ARHGAP10: variants seen among roughly 807,000 people sequenced by gnomAD.
ARHGAP10 encodes the protein rho GTPase-activating protein 10.
In ARHGAP10, 87 loss-of-function variants were observed where a neutral mutation model predicts 108.6. The observed-to-expected ratio is 0.80, with a 90% CI of 0.67 to 0.96. ARHGAP10 has a LOEUF of 0.96. Ranked by LOEUF, ARHGAP10 falls within the 40% of genes least tolerant of loss-of-function variation. The probability of loss-of-function intolerance (pLI) is 0.00; values close to 1 mark genes in which losing one functional copy is unlikely to be tolerated. For missense variants in ARHGAP10, 939 were observed against 954.5 expected (o/e 0.98, Z 0.21); for synonymous variants, 347 against 341.1 (o/e 1.02, Z -0.19).
At chr4:148,024,845 G>T (rs2149664970) in intron 19 of ARHGAP10, among the ~76,000 whole-genome samples, 1 of 152,302 alleles carries the variant, frequency 6.6e-6, no homozygotes, top group South Asian at 2.1e-4. Context: ...TGATGGAAGT[G>T]TTAATAAATA....
At chr4:148,057,841 C>G (rs1037286447) in intron 20 of ARHGAP10, among the ~76,000 whole-genome samples, 3 of 152,220 alleles carry the variant, frequency 2.0e-5, no homozygotes, top group African/African-American at 7.2e-5. Flanking sequence ...CTGGGTGTCC[C>G]CAGGGACTAG....
At chr4:147,878,807 C>T (rs1451026418) in intron 8 of ARHGAP10, among the ~76,000 whole-genome samples, 2 of 129,260 alleles carry the variant, frequency 1.5e-5, no homozygotes, top group Non-Finnish European at 1.6e-5. Context: ...GTCGGAGTCT[C>T]GCTCTGTTGC....
rs751806042 is a variant in ARHGAP10, at chr4:147,732,319, GGAGTT to G, written c.19_23del (p.Glu7GlnfsTer33). ...CTGCCGTCATGGGGCTGCAGCCCCT[GGAGTT>G]CAGCGACTGCTACCTCGACAGCCCG... On this transcript the variant is annotated frameshift_variant, in exon 1 of 23. Coordinates refer to ENST00000336498, the MANE Select transcript of ARHGAP10 (RefSeq NM_024605.4). LOFTEE classifies it high-confidence loss of function. The G allele has an allele frequency of 6.2e-7, 1 of 1,612,588 alleles. No homozygotes were observed. The highest frequency in any genetic ancestry group is 8.5e-7 in the Non-Finnish European group (1 of 1,179,330).
chr4:147,732,251 G>A lies in ARHGAP10; in HGVS notation c.-51G>A. The stretch of plus-strand genomic sequence containing the variant: ...CACCTGGCAGCGGCCTCGGAGCTCG[G>A]CTCGGGCAGGAGCGCGCGGCCGTGC... On this transcript the variant is annotated 5_prime_UTR_variant, in exon 1 of 23. Transcript: ENST00000336498. 1 of 1,515,294 alleles carries A rather than the reference G, an allele frequency of 6.6e-7. No individual in the cohort carries two copies. The highest frequency in any genetic ancestry group is 1.3e-5 in the South Asian group (1 of 78,360). 93.9% of individuals were successfully genotyped at this position (1,515,294 alleles called of 1,614,324 possible).
chr4:147,852,662 A>G (rs758025309), intron 4 of ARHGAP10, among the ~76,000 whole-genome samples: 16 of 152,040 alleles, frequency 1.1e-4, no homozygotes, highest in Admixed American at 3.9e-4. Flanking sequence ...GACGTAAACA[A>G]AAGTTTTTAT....
At chr4:147,973,831 C>A (rs1470580813) in intron 18 of ARHGAP10, among the ~76,000 whole-genome samples, 1 of 152,148 alleles carries the variant, frequency 6.6e-6, no homozygotes, top group African/African-American at 2.4e-5. Context: ...AACATAATTA[C>A]CTTCAGTTCC....
At chr4:147,983,629 G>C (rs1739918494) in intron 18 of ARHGAP10, among the ~76,000 whole-genome samples, 1 of 151,614 alleles carries the variant, frequency 6.6e-6, no homozygotes, top group African/African-American at 2.4e-5. Context: ...AATTCCTATA[G>C]TGAATTTTTC....
intron 13 of ARHGAP10, among the ~76,000 whole-genome samples, chr4:147,932,203 C>T (rs902332105): frequency 2.0e-5 from 3 of 152,082 alleles, no homozygotes; most frequent in Non-Finnish European, 2.9e-5. Flanking sequence ...AACACACTAT[C>T]GGTGGGAGTG....
chr4:147,762,942 A>G (rs1055750873), intron 1 of ARHGAP10, among the ~76,000 whole-genome samples: 10 of 152,094 alleles, frequency 6.6e-5, no homozygotes, highest in African/African-American at 2.4e-4. Context: ...TGCTAGGGGT[A>G]ATGAAGGATA....
chr4:147,883,296 A>G (rs1420893083), intron 10 of ARHGAP10, among the ~76,000 whole-genome samples: 1 of 152,206 alleles, frequency 6.6e-6, no homozygotes. Context: ...TCCTGGACTC[A>G]AGCAATCCTC....
intron 7 of ARHGAP10, among the ~76,000 whole-genome samples, chr4:147,871,356 C>G (rs1023742871): frequency 5.9e-5 from 9 of 152,080 alleles, no homozygotes; most frequent in African/African-American, 2.2e-4. Context: ...CTTACTTATC[C>G]CTTTTGTTTT....
intron 22 of ARHGAP10, among the ~76,000 whole-genome samples, chr4:148,070,048 G>C (rs1353052966): frequency 1.3e-5 from 2 of 152,230 alleles, no homozygotes; most frequent in African/African-American, 4.8e-5. Context: ...TGCTTACTCA[G>C]TCATTACACA....
intron 20 of ARHGAP10, 136 bp from the exon 21 acceptor site, chr4:148,063,012 C>G (rs934666481): frequency 9.2e-7 from 1 of 1,084,212 alleles, no homozygotes; most frequent in Non-Finnish European, 1.3e-6. Context: ...CGGCAGGATG[C>G]AGAGAGGACT....
chr4:147,904,386 C>T (rs1399970906), intron 10 of ARHGAP10, among the ~76,000 whole-genome samples: 1 of 151,866 alleles, frequency 6.6e-6, no homozygotes, highest in Admixed American at 6.6e-5. Context: ...TCCCCCGTCC[C>T]CCCACCCCAC....
At chr4:147,821,306 C>A (rs142154841) in intron 1 of ARHGAP10, among the ~76,000 whole-genome samples, 131 of 152,310 alleles carry the variant, frequency 8.6e-4, no homozygotes, top group Admixed American at 1.9e-3. Context: ...AGATGAGTTT[C>A]CATGGGAGGA....
chr4:147,913,508 C>T (rs1252260245), intron 13 of ARHGAP10, among the ~76,000 whole-genome samples: 2 of 152,128 alleles, frequency 1.3e-5, no homozygotes, highest in African/African-American at 2.4e-5. Flanking sequence ...CTTCTGAGGC[C>T]TCCCCACTTG....
chr4:148,013,348 A>G (rs1366553553), intron 18 of ARHGAP10, among the ~76,000 whole-genome samples: 1 of 152,226 alleles, frequency 6.6e-6, no homozygotes, highest in Non-Finnish European at 1.5e-5. Flanking sequence ...TGTGTTCTTC[A>G]TTGTGACTAA....
At chr4:147,775,402 G>C (rs1730243692) in intron 1 of ARHGAP10, among the ~76,000 whole-genome samples, 1 of 152,216 alleles carries the variant, frequency 6.6e-6, no homozygotes, top group Non-Finnish European at 1.5e-5. Context: ...TGTGTGAGAG[G>C]CTGCTAGGAG....
intron 1 of ARHGAP10, among the ~76,000 whole-genome samples, chr4:147,812,583 C>G (rs143729542): frequency 2.9e-4 from 44 of 152,292 alleles, no homozygotes; most frequent in Non-Finnish European, 5.4e-4. Flanking sequence ...CCCATAAAGC[C>G]TTTTCCCCAC....
Sources: gnomAD v4.1 joint callset for allele counts (sites outside exome capture counted in the v4.1 genomes callset) on GRCh38, gnomAD v4.1.1 for gene constraint, MANE v1.5 for transcripts, NCBI Gene and HGNC (gene_info 2026-07-23, HGNC 2026-07-21) for gene names.